The following TTC29 variants were observed in gnomAD, a reference collection of about 807,000 sequenced individuals.
The protein encoded by TTC29 is tetratricopeptide repeat domain 29, also known as tetratricopeptide repeat protein 29.
In TTC29, 49 loss-of-function variants were observed where a neutral mutation model predicts 58.1. The ratio of observed to expected loss-of-function variants is 0.84; its 90% CI spans 0.67 to 1.07. The LOEUF (loss-of-function observed/expected upper bound fraction) is 1.07. Ranked by LOEUF, TTC29 falls within the 50% of genes least tolerant of loss-of-function variation. The pLI is 0.00. For synonymous variants in TTC29, 209 were observed against 196.8 expected, an observed-to-expected ratio of 1.06 and a Z score of -0.52; for missense variants, 582 against 555.6, an observed-to-expected ratio of 1.05 and a Z score of -0.48.
chr4:146,735,388 T>C (rs796187928), intron 11 of TTC29, among the ~76,000 whole-genome samples: 33 of 152,274 alleles, frequency 2.2e-4, no homozygotes, highest in African/African-American at 7.5e-4. Context: ...AGTGACTAAC[T>C]TAGGGACAGT....
At chr4:146,859,883 A>G (rs1730116562) in intron 8 of TTC29, among the ~76,000 whole-genome samples, 1 of 152,156 alleles carries the variant, frequency 6.6e-6, no homozygotes, top group African/African-American at 2.4e-5. Context: ...AAGGGTAATT[A>G]AGTAGAAATT....
At chr4:146,788,009 C>A (rs1425374309) in intron 11 of TTC29, among the ~76,000 whole-genome samples, 1 of 152,074 alleles carries the variant, frequency 6.6e-6, no homozygotes, top group African/African-American at 2.4e-5. Context: ...CGATGAGTAG[C>A]AACTGTCAGT....
chr4:146,896,950 C>G (rs1221215819), intron 6 of TTC29, among the ~76,000 whole-genome samples: 3 of 152,172 alleles, frequency 2.0e-5, no homozygotes, highest in African/African-American at 7.2e-5. Context: ...AAAACTACCA[C>G]TTTAACAGGT....
Position 146,707,438 on chromosome 4 carries a change from G to A in TTC29, c.1397+47C>T, listed in dbSNP as rs2149983692. The A allele has an allele frequency of 5.9e-6, 8 of 1,357,330 alleles. No homozygotes were observed. In the South Asian group the frequency reaches 8.5e-5, roughly 14 times the overall value. 84.1% of individuals were successfully genotyped at this position (1,357,330 alleles called of 1,614,324 possible). A position where few individuals can be genotyped will look rare whatever the true frequency, so the allele number is the denominator to read the frequency against. On this transcript the variant is annotated intron_variant, in intron 12 of 12. Coordinates refer to ENST00000325106, the MANE Select transcript of TTC29 (RefSeq NM_031956.4). ...AGAATGAGATTATGCTTAGTATATT[G>A]CGCAAAGTGGGTACTTAATAGAAAC...
At chr4:146,900,811 T>C (rs1020711583) in intron 6 of TTC29, among the ~76,000 whole-genome samples, 4 of 152,128 alleles carry the variant, frequency 2.6e-5, no homozygotes, top group African/African-American at 9.7e-5. Context: ...TACTTAGAAA[T>C]GATGAAGATG....
intron 6 of TTC29, among the ~76,000 whole-genome samples, chr4:146,890,856 T>G (rs1474954859): frequency 6.6e-6 from 1 of 152,146 alleles, no homozygotes; most frequent in African/African-American, 2.4e-5. Context: ...TTTTTGTTTT[T>G]TGCTTTTTTT....
rs780739350 is a variant in TTC29 at position 146,939,907 on chromosome 4, A to T, written c.-6-6T>A. 1 of 1,601,030 alleles carries T rather than the reference A, an allele frequency of 6.2e-7. No individual in the cohort carries two copies. Among genetic ancestry groups the T allele is most frequent in the Non-Finnish European group, 8.5e-7 (1 of 1,175,918 alleles). On this transcript the variant is annotated splice_polypyrimidine_tract_variant and splice_region_variant and intron_variant, in intron 2 of 12. Transcript: ENST00000325106. ...GGCAGGGTGGTCATTTCGGACTACA[A>T]AAAGAAATAAGTAGAAATTGTATTT...
At chr4:146,755,142 T>TA (rs528831879) in intron 11 of TTC29, among the ~76,000 whole-genome samples, 3 of 151,872 alleles carry the variant, frequency 2.0e-5, no homozygotes, top group Non-Finnish European at 4.4e-5. Context: ...AATAATAGCA[T>TA]AAAAAAACAT....
intron 9 of TTC29, among the ~76,000 whole-genome samples, chr4:146,828,021 T>C (rs1322050728): frequency 6.6e-6 from 1 of 152,186 alleles, no homozygotes; most frequent in Non-Finnish European, 1.5e-5. Context: ...TTTTTCCTCT[T>C]ATTGGTAAAA....
In TTC29 at chr4:146,806,954, C is replaced by T. The variant is rs200609198; in HGVS notation, c.1102-3269G>A. ...ATATACATTCTTCTCAGCACCACAT[C>T]GCACTTATTCTAAAATTGACCACAT... is the stretch of plus-strand genomic sequence containing the variant. On this transcript the variant is annotated intron_variant, in intron 10 of 12. Transcript: ENST00000325106. 7.9e-5 allele frequency among the ~76,000 whole-genome samples: 12 copies of T among 152,260 alleles called. No individual in the cohort carries two copies. In the East Asian group the frequency reaches 9.6e-4, roughly 12 times the overall value.
At chr4:146,777,033 G>A (rs919290698) in intron 11 of TTC29, among the ~76,000 whole-genome samples, 4 of 152,064 alleles carry the variant, frequency 2.6e-5, no homozygotes, top group Non-Finnish European at 5.9e-5. Flanking sequence ...GAGGGGTGGG[G>A]TTACCAGTGT....
intron 11 of TTC29, among the ~76,000 whole-genome samples, chr4:146,730,494 G>C (rs1744244813): frequency 6.6e-6 from 1 of 152,170 alleles, no homozygotes; most frequent in South Asian, 2.1e-4. Flanking sequence ...ATAATAATTA[G>C]AGAATGAATG....
intron 9 of TTC29, among the ~76,000 whole-genome samples, chr4:146,823,438 T>G (rs560597828): frequency 1.3e-5 from 2 of 152,046 alleles, no homozygotes; most frequent in Non-Finnish European, 2.9e-5. Context: ...ATTTCCGAGG[T>G]CTCTGTTCTG....
intron 6 of TTC29, 45 bp downstream of exon 6, chr4:146,903,499 A>T: frequency 6.6e-7 from 1 of 1,521,364 alleles, no homozygotes; most frequent in Non-Finnish European, 8.9e-7. Flanking sequence ...TGATCTCAGG[A>T]TCCACCAAAA....
intron 3 of TTC29, among the ~76,000 whole-genome samples, chr4:146,939,589 A>C (rs1736171290): frequency 6.6e-6 from 1 of 152,232 alleles, no homozygotes; most frequent in Admixed American, 6.5e-5. Context: ...TAAAATGATG[A>C]AATAAGCACT....
chr4:146,837,701 T>C (rs972635821), intron 8 of TTC29, among the ~76,000 whole-genome samples: 1 of 152,034 alleles, frequency 6.6e-6, no homozygotes, highest in Non-Finnish European at 1.5e-5. Flanking sequence ...TGCACTTGAT[T>C]GACTATCCCT....
At chr4:146,730,454 T>C (rs1162673203) in intron 11 of TTC29, among the ~76,000 whole-genome samples, 1 of 152,124 alleles carries the variant, frequency 6.6e-6, no homozygotes, top group Non-Finnish European at 1.5e-5. Context: ...TATTAGTGCA[T>C]AGATAATATT....
chr4:146,818,872 G>T (rs958606787), intron 10 of TTC29, among the ~76,000 whole-genome samples: 1 of 151,922 alleles, frequency 6.6e-6, no homozygotes, highest in Non-Finnish European at 1.5e-5. Context: ...CTCATAGATG[G>T]GAATTGAACA....
chr4:146,909,379 T>C (rs1733748871), intron 4 of TTC29, 130 bp from the exon 5 acceptor site: 2 of 707,704 alleles, frequency 2.8e-6, no homozygotes, highest in African/African-American at 1.8e-5. Flanking sequence ...CTGAAAACTA[T>C]CAAAAGATCT....
Sources: gnomAD v4.1 joint callset for allele counts (sites outside exome capture counted in the v4.1 genomes callset) on GRCh38, gnomAD v4.1.1 for gene constraint, MANE v1.5 for transcripts, NCBI Gene and HGNC (gene_info 2026-07-23, HGNC 2026-07-21) for gene names.